Variants in SNX13 observed in about 807,000 individuals in gnomAD.
SNX13 encodes sorting nexin 13, also known as sorting nexin-13.
A neutral mutation model predicts 133.6 loss-of-function variants in SNX13; 45 were observed. That is an observed-to-expected ratio of 0.34 (90% CI 0.27 to 0.43). The LOEUF (loss-of-function observed/expected upper bound fraction) is 0.43, where lower values mean the gene tolerates loss of function less well. Among genes scored for constraint, SNX13 ranks in the 20% least tolerant of loss-of-function variants. SNX13 has a pLI of 1.00. For synonymous variants in SNX13, 414 were observed against 373.9 expected (o/e 1.11, Z -1.24); for missense variants, 1,032 against 1,145.1 (o/e 0.90, Z 1.43).
In SNX13 at chr7:17,934,351, G is replaced by A. The variant is rs555671664; in HGVS notation, c.12+5933C>T. Among the ~76,000 whole-genome samples the A allele has an allele frequency of 5.9e-5, 9 of 152,314 alleles. No individual in the cohort carries two copies. In the South Asian group the frequency reaches 1.7e-3, roughly 28 times the overall value. Reference sequence around the variant, plus strand: ...AATCTGAGAACCTCATTCAGGGAAAGCTGTAAAGTCATTGTGGTGGATAAT... The same window carrying A: ...AATCTGAGAACCTCATTCAGGGAAAACTGTAAAGTCATTGTGGTGGATAAT... On this transcript the variant is annotated intron_variant, in intron 1 of 25. Transcript: ENST00000428135.
At chr7:17,873,440 G>T in intron 8 of SNX13, 88 bp downstream of exon 8, 1 of 528,280 alleles carries the variant, frequency 1.9e-6, no homozygotes, top group South Asian at 6.0e-5. Flanking sequence ...TAATTTTTAA[G>T]AGTGTAACAG....
intron 5 of SNX13, among the ~76,000 whole-genome samples, chr7:17,887,948 TTGC>T (rs902778692): frequency 6.6e-6 from 1 of 152,164 alleles, no homozygotes; most frequent in African/African-American, 2.4e-5. Flanking sequence ...GTGATAGTTT[TTGC>T]TGCTATCATA....
At chr7:17,880,982 G>C (rs1478693099) in intron 5 of SNX13, 1 of 151,920 alleles carries the variant, frequency 6.6e-6, no homozygotes, top group Non-Finnish European at 1.5e-5. Flanking sequence ...TAGAGGAGAG[G>C]GTGATCGCTT....
At chr7:17,804,220 T>A (rs954034477) in intron 20 of SNX13, among the ~76,000 whole-genome samples, 4 of 148,282 alleles carry the variant, frequency 2.7e-5, no homozygotes, top group African/African-American at 9.7e-5. Context: ...CAAAAAAAAA[T>A]GTTTTCCAAA....
chr7:17,801,034 A>ATG (rs1554302657), intron 22 of SNX13, among the ~76,000 whole-genome samples: 3 of 19,984 alleles, frequency 1.5e-4, no homozygotes, highest in African/African-American at 4.7e-4. Context: ...ATATATATAT[A>ATG]TATATATATA....
At chr7:17,835,611 GAA>G (rs1789044056) in intron 13 of SNX13, among the ~76,000 whole-genome samples, 1 of 151,920 alleles carries the variant, frequency 6.6e-6, no homozygotes, top group African/African-American at 2.4e-5. Flanking sequence ...TTTCAGTTCT[GAA>G]AAGTCTGGAG....
chr7:17,834,916 T>C, intron 13 of SNX13, 51 bp from the exon 14 acceptor site: 1 of 1,030,380 alleles, frequency 9.7e-7, no homozygotes, highest in Non-Finnish European at 1.5e-6. Context: ...TAATACAAGA[T>C]GATACTTGAT....
Position 17,791,155 on chromosome 7 carries a change from T to C in SNX13, c.*2890A>G, listed in dbSNP as rs1783497004. 6.6e-6 allele frequency: 1 copy of C among 151,954 alleles called. No homozygotes were observed. Among genetic ancestry groups the C allele is most frequent in the African/African-American group, 2.4e-5 (1 of 41,420 alleles). 9.4% of individuals were successfully genotyped at this position (151,954 alleles called of 1,614,324 possible). The stretch of plus-strand genomic sequence containing the variant: ...GATTAAGAAGACAGTTTAAGCTACA[T>C]CTCAAAAAATTAAAAATTCATTTAT... On this transcript the variant is annotated 3_prime_UTR_variant, in exon 26 of 26. Transcript: ENST00000428135.
intron 20 of SNX13, among the ~76,000 whole-genome samples, chr7:17,810,285 A>G (rs531611989): frequency 4.6e-5 from 7 of 152,286 alleles, no homozygotes; most frequent in African/African-American, 1.7e-4. Flanking sequence ...GATAAAGGGG[A>G]TATCACCACT....
Position 17,893,358 on chromosome 7 carries a change from G to T in SNX13, c.202C>A (p.Pro68Thr). The T allele has an allele frequency of 6.3e-7, 1 of 1,575,882 alleles. No individual in the cohort carries two copies. Among genetic ancestry groups the T allele is most frequent in the Non-Finnish European group, 8.6e-7 (1 of 1,158,822 alleles). Residue 68 changes from proline to threonine, a missense_variant, in exon 3 of 26, where the codon CCT (proline) becomes ACT (threonine). Physicochemically the swap from Pro to Thr is conservative, Grantham distance 38 (BLOSUM62 -1). Transcript: ENST00000428135. ...TTAGGAACCCCAGGTGATGTTGGAG[G>T]AAGAAATGAGTGTTCACACTGTTCT... is the stretch of plus-strand genomic sequence containing the variant. ...YLEQCEHSFL[P>T]PTSPGVPKCL...
intron 11 of SNX13, among the ~76,000 whole-genome samples, chr7:17,849,590 C>T (rs1790960628): frequency 6.6e-6 from 1 of 152,138 alleles, no homozygotes; most frequent in African/African-American, 2.4e-5. Context: ...CTTACTATGG[C>T]CACTAAGACC....
chr7:17,830,191 A>G, intron 15 of SNX13, 144 bp from the exon 16 acceptor site: 2 of 1,066,294 alleles, frequency 1.9e-6, no homozygotes, highest in Non-Finnish European at 2.4e-6. Flanking sequence ...AAAATTGTGG[A>G]TACTCCCAAA....
intron 13 of SNX13, among the ~76,000 whole-genome samples, chr7:17,836,163 T>C (rs1485317229): frequency 1.3e-5 from 2 of 151,966 alleles, no homozygotes; most frequent in Non-Finnish European, 2.9e-5. Flanking sequence ...ACACTTTTAG[T>C]GTACCAACAT....
chr7:17,875,914 C>T (rs1794678071), intron 5 of SNX13, 124 bp from the exon 6 acceptor site: 2 of 775,772 alleles, frequency 2.6e-6, no homozygotes, highest in Middle Eastern at 4.0e-4. Flanking sequence ...TTGAGATTTT[C>T]ATTCATTATT....
At chr7:17,832,229 T>C (rs1583404620) in intron 15 of SNX13, 4 of 984,594 alleles carry the variant, frequency 4.1e-6, no homozygotes, top group Middle Eastern at 5.2e-4. Context: ...TGTATGATTT[T>C]AGGAAGTTTG....
intron 1 of SNX13, among the ~76,000 whole-genome samples, chr7:17,915,726 C>A (rs139865500): frequency 6.6e-6 from 1 of 152,190 alleles, no homozygotes; most frequent in South Asian, 2.1e-4. Context: ...CAACATCCAA[C>A]TGACAACATA....
intron 1 of SNX13, among the ~76,000 whole-genome samples, chr7:17,935,559 C>A (rs1022163908): frequency 6.6e-6 from 1 of 152,152 alleles, no homozygotes; most frequent in Non-Finnish European, 1.5e-5. Context: ...CCACATTGTA[C>A]ACACATTTCA....
intron 5 of SNX13, chr7:17,881,035 T>A (rs1200428497): frequency 6.6e-6 from 1 of 152,134 alleles, no homozygotes. Flanking sequence ...AATATTTTCC[T>A]GGAAAAGGTG....
chr7:17,856,816 G>GAAAAGAAAAAGA (rs1157700256), intron 9 of SNX13, among the ~76,000 whole-genome samples: 11 of 136,190 alleles, frequency 8.1e-5, no homozygotes, highest in African/African-American at 3.0e-4. Flanking sequence ...AAGAAAGAAA[G>GAAAAGAAAAAGA]AAAAGAAAAA....
Sources: allele counts gnomAD v4.1 joint callset (sites outside exome capture counted in the v4.1 genomes callset), GRCh38; gene constraint gnomAD v4.1.1; transcripts MANE v1.5; gene names NCBI Gene and HGNC (gene_info 2026-07-23, HGNC 2026-07-21).